Variants in TMEM135 observed in about 807,000 individuals in gnomAD.
The protein encoded by TMEM135 is transmembrane protein 135.
TMEM135 carries 30 observed loss-of-function variants against 60.3 expected under a neutral mutation model. That is an observed-to-expected ratio of 0.50 (90% CI 0.37 to 0.68). TMEM135 has a LOEUF of 0.68. Ranked by LOEUF, TMEM135 falls within the 30% of genes least tolerant of loss-of-function variation. The pLI is 0.00. For synonymous variants in TMEM135, 190 were observed against 186.7 expected (o/e 1.02, Z -0.14); for missense variants, 468 against 548.8 (o/e 0.85, Z 1.47).
At chr11:87,079,567 A>G (rs1205490593) in intron 3 of TMEM135, among the ~76,000 whole-genome samples, 2 of 151,718 alleles carry the variant, frequency 1.3e-5, no homozygotes, top group Admixed American at 1.3e-4. Flanking sequence ...TTACCTGCAA[A>G]TAGGGATGGT....
chr11:87,241,732 T>C (rs1192342525), intron 6 of TMEM135, among the ~76,000 whole-genome samples: 1 of 152,076 alleles, frequency 6.6e-6, no homozygotes, highest in Non-Finnish European at 1.5e-5. Context: ...TTGTCTTAAT[T>C]TTTAGCTTTC....
intron 4 of TMEM135, among the ~76,000 whole-genome samples, chr11:87,116,636 CACACACACACAG>C (rs879525788): frequency 0.14 from 18,424 of 131,090 alleles, 1,151 homozygotes; most frequent in Middle Eastern, 0.16. Context: ...CACATACACA[CACACACACACAG>C]ACACACACAT....
intron 6 of TMEM135, among the ~76,000 whole-genome samples, chr11:87,245,556 T>G: frequency 6.9e-6 from 1 of 144,020 alleles, no homozygotes. Flanking sequence ...GCATATGTAT[T>G]TAGGATAGTT....
At chr11:87,310,746 C>T (rs571346982) in intron 10 of TMEM135, among the ~76,000 whole-genome samples, 3 of 151,876 alleles carry the variant, frequency 2.0e-5, no homozygotes, top group South Asian at 2.1e-4. Context: ...TTGAGCATAC[C>T]GTGATCTTTG....
intron 5 of TMEM135, among the ~76,000 whole-genome samples, chr11:87,187,306 G>C (rs1315415680): frequency 6.6e-6 from 1 of 152,202 alleles, no homozygotes; most frequent in African/African-American, 2.4e-5. Flanking sequence ...GGGAAAGTAT[G>C]TGTACTAAGT....
intron 5 of TMEM135, among the ~76,000 whole-genome samples, chr11:87,231,754 A>G (rs1185655377): frequency 2.0e-5 from 3 of 152,174 alleles, no homozygotes; most frequent in Non-Finnish European, 4.4e-5. Flanking sequence ...ACTGAATTTT[A>G]TAGTTTCAAA....
chr11:87,285,203 G>A (rs995996453), intron 6 of TMEM135, among the ~76,000 whole-genome samples: 15 of 152,120 alleles, frequency 9.9e-5, no homozygotes, highest in African/African-American at 3.6e-4. Context: ...TAGTACTAAG[G>A]TAAGCTCTAT....
rs1941584862 is a variant in TMEM135, at chr11:87,258,829, T to G, written c.509+22145T>G. 9.3e-5 allele frequency: 64 copies of G among 690,128 alleles called. 2 individuals carry two copies. In the South Asian group the frequency reaches 9.5e-4, roughly 10 times the overall value. 42.8% of individuals were successfully genotyped at this position (690,128 alleles called of 1,614,324 possible). ...TTCTGACTTCTCCCACGGAGACAGC[T>G]CATATACGGCAGTAACAATCTAGAT... On this transcript the variant is annotated intron_variant, in intron 6 of 14. Coordinates refer to ENST00000305494, the MANE Select transcript of TMEM135 (RefSeq NM_022918.4).
chr11:87,241,916 A>T (rs959540066), intron 6 of TMEM135, among the ~76,000 whole-genome samples: 3 of 152,032 alleles, frequency 2.0e-5, no homozygotes, highest in Admixed American at 2.0e-4. Flanking sequence ...CAGGTTAGTT[A>T]CATATGTATA....
chr11:87,045,991 G>A (rs937574877), intron 1 of TMEM135, among the ~76,000 whole-genome samples: 1 of 152,198 alleles, frequency 6.6e-6, no homozygotes, highest in Non-Finnish European at 1.5e-5. Flanking sequence ...CTTACATTGA[G>A]TTTATAGTTT....
intron 5 of TMEM135, among the ~76,000 whole-genome samples, chr11:87,172,520 A>C (rs187715009): frequency 6.6e-6 from 1 of 152,042 alleles, no homozygotes; most frequent in East Asian, 1.9e-4. Context: ...TTCCAGGAGC[A>C]TGGTGTACAT....
At chr11:87,046,665 A>G (rs898146445) in intron 1 of TMEM135, among the ~76,000 whole-genome samples, 1 of 152,240 alleles carries the variant, frequency 6.6e-6, no homozygotes, top group African/African-American at 2.4e-5. Flanking sequence ...TTAGGTTTAT[A>G]TGTCCTAATC....
chr11:87,278,976 T>C (rs970627040), intron 6 of TMEM135, among the ~76,000 whole-genome samples: 1 of 125,826 alleles, frequency 7.9e-6, no homozygotes, highest in Non-Finnish European at 1.9e-5. Flanking sequence ...GTCTGGCTGC[T>C]TCTCAGCATT....
intron 4 of TMEM135, among the ~76,000 whole-genome samples, chr11:87,099,095 G>T (rs961095449): frequency 1.3e-5 from 2 of 152,138 alleles, no homozygotes; most frequent in African/African-American, 4.8e-5. Context: ...TTGAGTTTTA[G>T]TGTATTTTTT....
At chr11:87,093,317 A>G (rs1591013086) in intron 4 of TMEM135, among the ~76,000 whole-genome samples, 1 of 151,844 alleles carries the variant, frequency 6.6e-6, no homozygotes, top group Non-Finnish European at 1.5e-5. Flanking sequence ...GGCGCAAGCA[A>G]TCCTCCTACC....
chr11:87,263,003 G>GAAA (rs35379409), intron 6 of TMEM135, among the ~76,000 whole-genome samples: 1 of 150,234 alleles, frequency 6.7e-6, no homozygotes, highest in African/African-American at 2.4e-5. Context: ...AGTTTTCATG[G>GAAA]AAAAAAAAAA....
rs1414346241 is a variant in TMEM135, at chr11:87,197,343, ACT to A, written c.463-39291_463-39290del. 9.2e-5 allele frequency among the ~76,000 whole-genome samples: 14 copies of A among 152,112 alleles called. No homozygotes were observed. The South Asian group carries it at 2.7e-3, about 29-fold the overall frequency. ...CGGCATAAAGGGTAAAACGTATCAGACTCTCATACAGAGTTATGAAGTAGTAT... is the reference window on the plus strand; with the variant it reads ...CGGCATAAAGGGTAAAACGTATCAGACTCATACAGAGTTATGAAGTAGTAT... On this transcript the variant is annotated intron_variant, in intron 5 of 14. Coordinates refer to ENST00000305494, the MANE Select transcript of TMEM135 (RefSeq NM_022918.4).
chr11:87,203,487 T>G (rs1461031688), intron 5 of TMEM135, among the ~76,000 whole-genome samples: 1 of 152,220 alleles, frequency 6.6e-6, no homozygotes, highest in Non-Finnish European at 1.5e-5. Flanking sequence ...TTCTTTTCAC[T>G]TGGCAATAGG....
chr11:87,277,833 T>TA (rs1291005298), intron 6 of TMEM135, among the ~76,000 whole-genome samples: 1 of 152,192 alleles, frequency 6.6e-6, no homozygotes, highest in African/African-American at 2.4e-5. Context: ...ACTCTTAACA[T>TA]AAAATGTTAC....
Sources: gnomAD v4.1 joint callset for allele counts (sites outside exome capture counted in the v4.1 genomes callset) on GRCh38, gnomAD v4.1.1 for gene constraint, MANE v1.5 for transcripts, NCBI Gene and HGNC (gene_info 2026-07-23, HGNC 2026-07-21) for gene names.